Variants in DNAH11 observed in about 807,000 individuals in gnomAD.
The protein encoded by DNAH11 is axonemal beta dynein heavy chain 11.
DNAH11 carries 442 observed loss-of-function variants against 526.0 expected under a neutral mutation model. The observed-to-expected ratio is 0.84, with a 90% confidence interval of 0.78 to 0.91. The LOEUF (loss-of-function observed/expected upper bound fraction) is 0.91, where lower values mean the gene tolerates loss of function less well. Among genes scored for constraint, DNAH11 ranks in the 40% least tolerant of loss-of-function variants. The pLI, the probability that DNAH11 is intolerant of heterozygous loss-of-function variation, is 0.00. For synonymous variants in DNAH11, 2,461 were observed against 1,935.9 expected, an observed-to-expected ratio of 1.27 and a Z score of -7.12; for missense variants, 6,989 against 5,448.7, an observed-to-expected ratio of 1.28 and a Z score of -8.90.
intron 2 of DNAH11, among the ~76,000 whole-genome samples, chr7:21,545,615 G>T (rs1216127388): frequency 1.3e-5 from 2 of 152,160 alleles, no homozygotes; most frequent in Non-Finnish European, 2.9e-5. Flanking sequence ...GGCAGATAAT[G>T]GGAAAAGGTG....
intron 65 of DNAH11, among the ~76,000 whole-genome samples, chr7:21,825,620 T>G (rs1380664368): frequency 6.6e-6 from 1 of 152,088 alleles, no homozygotes; most frequent in African/African-American, 2.4e-5. Context: ...TGCCTCCTTT[T>G]TTTTTTTCCC....
chr7:21,711,601 G>T, intron 41 of DNAH11, 111 bp from the exon 42 acceptor site: 1 of 1,437,340 alleles, frequency 7.0e-7, no homozygotes, highest in Admixed American at 2.3e-5. Flanking sequence ...TTCTGATTCA[G>T]GAGAGTGAGC....
At chr7:21,614,238 T>C (rs1253558749) in intron 20 of DNAH11, among the ~76,000 whole-genome samples, 1 of 152,152 alleles carries the variant, frequency 6.6e-6, no homozygotes, top group African/African-American at 2.4e-5. Flanking sequence ...GGGAGGAGGA[T>C]GGGAGAAAAT....
intron 40 of DNAH11, 119 bp from the exon 41 acceptor site, chr7:21,710,434 C>T: frequency 1.3e-6 from 1 of 794,874 alleles, no homozygotes; most frequent in East Asian, 2.8e-5. Context: ...AGGTGTTACA[C>T]ACTGCCCGCA....
chr7:21,545,433 T>C (rs917406294), intron 2 of DNAH11, among the ~76,000 whole-genome samples: 1 of 152,112 alleles, frequency 6.6e-6, no homozygotes, highest in African/African-American at 2.4e-5. Context: ...CTTTCTTCCT[T>C]CCAACACAAT....
chr7:21,634,083 G>A lies in DNAH11; in HGVS notation c.4501-1788G>A, dbSNP rs77164608. 9.2e-3 allele frequency among the ~76,000 whole-genome samples: 1,402 copies of A among 152,268 alleles called. 14 individuals carry two copies. The highest frequency in any genetic ancestry group is 0.015 in the Non-Finnish European group (987 of 68,014). ...TGTAGAAGAGACAAACTATTCAGAG[G>A]AAATAACAGTAGTGTTATTATTAGA... On this transcript the variant is annotated intron_variant, in intron 25 of 81. Transcript: ENST00000409508.
intron 54 of DNAH11, among the ~76,000 whole-genome samples, chr7:21,757,138 C>A (rs771036614): frequency 1.3e-5 from 2 of 152,138 alleles, no homozygotes; most frequent in African/African-American, 2.4e-5. Context: ...GCATTTTGTT[C>A]TTTAGAGTTT....
intron 60 of DNAH11, among the ~76,000 whole-genome samples, chr7:21,788,482 G>A (rs1221711182): frequency 6.6e-6 from 1 of 151,834 alleles, no homozygotes; most frequent in East Asian, 2.0e-4. Flanking sequence ...TTGTACAGTA[G>A]GTGAAAAGAC....
At chr7:21,756,731 G>A (rs778015189) in intron 54 of DNAH11, among the ~76,000 whole-genome samples, 3 of 151,960 alleles carry the variant, frequency 2.0e-5, no homozygotes, top group East Asian at 1.9e-4. Flanking sequence ...TTTCTTACTC[G>A]TTTTTATTCT....
intron 30 of DNAH11, among the ~76,000 whole-genome samples, chr7:21,679,535 C>T (rs1043256999): frequency 1.3e-5 from 2 of 152,122 alleles, no homozygotes; most frequent in South Asian, 4.1e-4. Context: ...CTCAATAAAG[C>T]CCAGGGGGTG....
intron 62 of DNAH11, among the ~76,000 whole-genome samples, chr7:21,804,233 C>G (rs923943248): frequency 6.6e-6 from 1 of 152,038 alleles, no homozygotes; most frequent in Non-Finnish European, 1.5e-5. Flanking sequence ...CTCAGCCTCC[C>G]GAGTACCTGG....
At chr7:21,708,433 C>G (rs1327628443) in intron 40 of DNAH11, among the ~76,000 whole-genome samples, 5 of 152,202 alleles carry the variant, frequency 3.3e-5, no homozygotes, top group Non-Finnish European at 7.3e-5. Context: ...TTAGTTGAAG[C>G]TGCCATCATG....
intron 62 of DNAH11, among the ~76,000 whole-genome samples, chr7:21,805,340 CT>C (rs778542256): frequency 1.3e-5 from 2 of 151,992 alleles, no homozygotes; most frequent in East Asian, 1.9e-4. Flanking sequence ...GAACAGGAAA[CT>C]TCACCATTTT....
intron 55 of DNAH11, among the ~76,000 whole-genome samples, chr7:21,772,331 TG>T (rs1266437917): frequency 7.7e-6 from 1 of 129,418 alleles, no homozygotes; most frequent in African/African-American, 3.4e-5. Flanking sequence ...GAGGCCAGAG[TG>T]TTTTTTTTTT....
intron 62 of DNAH11, among the ~76,000 whole-genome samples, chr7:21,804,477 C>T (rs753294858): frequency 2.0e-5 from 3 of 152,190 alleles, no homozygotes; most frequent in Non-Finnish European, 4.4e-5. Context: ...TTTAAATACA[C>T]TATCTCTCTG....
intron 37 of DNAH11, among the ~76,000 whole-genome samples, chr7:21,703,975 G>A (rs555084303): frequency 1.3e-5 from 2 of 152,112 alleles, no homozygotes; most frequent in Non-Finnish European, 1.5e-5. Context: ...TTATCCTGAC[G>A]TTTGAGTTAC....
At chr7:21,829,043 T>C (rs1226498835) in intron 65 of DNAH11, among the ~76,000 whole-genome samples, 3 of 152,184 alleles carry the variant, frequency 2.0e-5, no homozygotes, top group African/African-American at 4.8e-5. Context: ...CTGAGGTTGC[T>C]AAGTAACAAC....
At chr7:21,812,518 T>TAAAA (rs764796839) in intron 63 of DNAH11, among the ~76,000 whole-genome samples, 59,228 of 148,866 alleles carry the variant, frequency 0.4, 12,468 homozygotes, top group East Asian at 0.82. Flanking sequence ...AAAAAAAATT[T>TAAAA]TTTTTAAACC....
intron 30 of DNAH11, among the ~76,000 whole-genome samples, chr7:21,676,923 T>C (rs148164646): frequency 1.1e-4 from 17 of 152,292 alleles, no homozygotes; most frequent in Non-Finnish European, 1.6e-4. Context: ...TGGGTTGTTA[T>C]TGTACATTAA....
Sources: gnomAD v4.1 joint callset for allele counts (sites outside exome capture counted in the v4.1 genomes callset) on GRCh38, gnomAD v4.1.1 for gene constraint, MANE v1.5 for transcripts, NCBI Gene and HGNC (gene_info 2026-07-23, HGNC 2026-07-21) for gene names.